Variants in FOXN2 observed in about 807,000 individuals in gnomAD.
FOXN2 encodes forkhead box protein N2.
Under a neutral mutation model 41.2 loss-of-function variants are expected in FOXN2, and 19 were observed. That is an observed-to-expected ratio of 0.46 (90% CI 0.32 to 0.68). The LOEUF is 0.68. Ranked by LOEUF, FOXN2 falls within the 30% of genes least tolerant of loss-of-function variation. FOXN2 has a pLI of 0.03. For missense variants in FOXN2, 587 were observed against 509.4 expected (o/e 1.15, Z -1.47); for synonymous variants, 195 against 176.8 (o/e 1.10, Z -0.82).
In FOXN2 at chr2:48,374,784, A is replaced by G. The variant is rs1034587053; in HGVS notation, c.773-136A>G. 4 of 666,500 alleles carry G rather than the reference A, an allele frequency of 6.0e-6. No homozygotes were observed. The African/African-American group carries it at 7.3e-5, about 12-fold the overall frequency. The allele number at this position is 666,500 out of a possible 1,614,324, so 41.3% of individuals were successfully genotyped here. The stretch of plus-strand genomic sequence containing the variant: ...GCTTGCAAAATGATGTGATCTGGGT[A>G]AAAAAAAATAAAAAATCTACAAAGC... On this transcript the variant is annotated intron_variant, in intron 6 of 6. Coordinates refer to ENST00000340553, the MANE Select transcript of FOXN2 (RefSeq NM_002158.4).
Position 48,376,654 on chromosome 2 carries a change from GA to G in FOXN2, c.*1212del, listed in dbSNP as rs1397118859. On this transcript the variant is annotated 3_prime_UTR_variant, in exon 7 of 7. Coordinates refer to ENST00000340553, the MANE Select transcript of FOXN2 (RefSeq NM_002158.4). ...TCTGGTACTACTCCAAAAGTGCTTT[GA>G]CTAAGTATCTTAACTATTTGAACAG... The G allele has an allele frequency of 6.6e-6, 1 of 152,438 alleles. No individual in the cohort carries two copies. Among genetic ancestry groups the G allele is most frequent in the African/African-American group, 2.4e-5 (1 of 41,444 alleles). The allele number at this position is 152,438 out of a possible 1,614,324, so 9.4% of individuals were successfully genotyped here.
At chr2:48,362,961 C>T (rs1256185396) in intron 5 of FOXN2, among the ~76,000 whole-genome samples, 7 of 152,152 alleles carry the variant, frequency 4.6e-5, no homozygotes, top group African/African-American at 1.4e-4. Context: ...TATGTTAATA[C>T]TTGATAATGG....
At chr2:48,335,550 T>G (rs1220465018) in intron 2 of FOXN2, among the ~76,000 whole-genome samples, 1 of 55,630 alleles carries the variant, frequency 1.8e-5, no homozygotes, top group African/African-American at 5.6e-5. Flanking sequence ...TAGAATTCTA[T>G]AGCAAAAACA....
intron 3 of FOXN2, among the ~76,000 whole-genome samples, chr2:48,351,079 G>A (rs1322427033): frequency 1.3e-5 from 2 of 150,944 alleles, no homozygotes; most frequent in African/African-American, 4.9e-5. Context: ...TGTTACCTCC[G>A]TTTCCTGAGT....
intron 2 of FOXN2, among the ~76,000 whole-genome samples, chr2:48,329,282 C>T (rs1669879618): frequency 1.3e-5 from 2 of 152,126 alleles, no homozygotes. Flanking sequence ...AGCATCTAAA[C>T]ACATGGTTTA....
chr2:48,335,668 G>A (rs1375387634), intron 2 of FOXN2, among the ~76,000 whole-genome samples: 2 of 150,952 alleles, frequency 1.3e-5, no homozygotes, highest in Non-Finnish European at 3.0e-5. Context: ...ATCAAAGACG[G>A]TGACAATTAT....
chr2:48,332,656 G>T (rs556381027), intron 2 of FOXN2, among the ~76,000 whole-genome samples: 1 of 152,172 alleles, frequency 6.6e-6, no homozygotes, highest in African/African-American at 2.4e-5. Flanking sequence ...ATATTTGGAG[G>T]TTATAATATT....
chr2:48,332,084 G>T (rs1418697387), intron 2 of FOXN2, among the ~76,000 whole-genome samples: 1 of 151,978 alleles, frequency 6.6e-6, no homozygotes, highest in Non-Finnish European at 1.5e-5. Flanking sequence ...TAAATTAGTT[G>T]GACACAATGA....
intron 3 of FOXN2, among the ~76,000 whole-genome samples, chr2:48,347,243 T>C (rs949203326): frequency 1.4e-5 from 2 of 147,178 alleles, no homozygotes; most frequent in Non-Finnish European, 1.5e-5. Flanking sequence ...TTTTTTTTTT[T>C]TGTGAGACAG....
At chr2:48,342,662 T>C (rs541353879) in intron 2 of FOXN2, among the ~76,000 whole-genome samples, 3 of 152,328 alleles carry the variant, frequency 2.0e-5, no homozygotes, top group Admixed American at 6.5e-5. Flanking sequence ...GTGGTGGACT[T>C]GGTGTTCCAA....
chr2:48,362,500 T>G, intron 4 of FOXN2, 143 bp from the exon 5 acceptor site: 1 of 668,096 alleles, frequency 1.5e-6, no homozygotes, highest in Non-Finnish European at 2.6e-6. Context: ...GCTCAGAAAG[T>G]CAAGGCTGCA....
At chr2:48,366,508 G>A (rs557304753) in intron 5 of FOXN2, among the ~76,000 whole-genome samples, 3 of 152,268 alleles carry the variant, frequency 2.0e-5, no homozygotes, top group African/African-American at 7.2e-5. Context: ...TGTCTGGCAT[G>A]TTGATATAGA....
chr2:48,329,700 G>A (rs1413052031), intron 2 of FOXN2, among the ~76,000 whole-genome samples: 1 of 151,996 alleles, frequency 6.6e-6, no homozygotes, highest in East Asian at 1.9e-4. Context: ...AGTACATTTG[G>A]GATTTGATTT....
intron 2 of FOXN2, among the ~76,000 whole-genome samples, chr2:48,343,478 G>T (rs1412147666): frequency 6.6e-6 from 1 of 152,202 alleles, no homozygotes; most frequent in Non-Finnish European, 1.5e-5. Context: ...TCTTATCCCA[G>T]CTAGGCATGG....
At chr2:48,358,747 TAG>T in intron 3 of FOXN2, among the ~76,000 whole-genome samples, 1 of 152,230 alleles carries the variant, frequency 6.6e-6, no homozygotes, top group Non-Finnish European at 1.5e-5. Context: ...ATTGTTAATG[TAG>T]TCGTAAAGGT....
intron 2 of FOXN2, among the ~76,000 whole-genome samples, chr2:48,338,845 G>C (rs1670544063): frequency 6.6e-6 from 1 of 152,038 alleles, no homozygotes; most frequent in East Asian, 1.9e-4. Flanking sequence ...AGACCATAAA[G>C]AAAAGGGTTA....
chr2:48,374,466 A>G (rs779124230), intron 6 of FOXN2, among the ~76,000 whole-genome samples: 22 of 152,162 alleles, frequency 1.4e-4, no homozygotes, highest in Non-Finnish European at 2.1e-4. Context: ...TTGGAGGGCA[A>G]TTTGAGAATA....
At chr2:48,316,987 A>C (rs1372117714) in intron 1 of FOXN2, among the ~76,000 whole-genome samples, 1 of 152,258 alleles carries the variant, frequency 6.6e-6, no homozygotes, top group Non-Finnish European at 1.5e-5. Flanking sequence ...GCCTTAGGGC[A>C]GAAAAGACAA....
intron 1 of FOXN2, among the ~76,000 whole-genome samples, chr2:48,322,147 C>A (rs1225113558): frequency 1.3e-5 from 2 of 152,108 alleles, no homozygotes; most frequent in African/African-American, 4.8e-5. Flanking sequence ...GGGGTTTCAC[C>A]GTGTTGGCCA....
Sources: allele counts gnomAD v4.1 joint callset (sites outside exome capture counted in the v4.1 genomes callset), GRCh38; gene constraint gnomAD v4.1.1; transcripts MANE v1.5; gene names NCBI Gene and HGNC (gene_info 2026-07-23, HGNC 2026-07-21).